The following MROH7 variants were observed in gnomAD, a reference collection of about 807,000 sequenced individuals.
MROH7 encodes maestro heat like repeat family member 7, also known as maestro heat-like repeat-containing protein family member 7.
A neutral mutation model predicts 129.2 loss-of-function variants in MROH7; 113 were observed. The observed-to-expected ratio is 0.87, with a 90% confidence interval of 0.75 to 1.02. MROH7 has a LOEUF of 1.02. Among genes scored for constraint, MROH7 ranks in the 50% least tolerant of loss-of-function variants. The pLI is 0.00. For missense variants in MROH7, 1,601 were observed against 1,671.3 expected (o/e 0.96, Z 0.73); for synonymous variants, 655 against 667.9 (o/e 0.98, Z 0.30).
chr1:54,670,764 C>T (rs1644887407), intron 6 of MROH7, 36 bp from the exon 7 acceptor site: 20 of 1,608,236 alleles, frequency 1.2e-5, no homozygotes, highest in Non-Finnish European at 1.6e-5. Context: ...GGGCCCCTCT[C>T]TCACTCCATT....
chr1:54,662,488 A>G (rs1644747275), intron 3 of MROH7, among the ~76,000 whole-genome samples: 1 of 150,330 alleles, frequency 6.7e-6, no homozygotes, highest in Non-Finnish European at 1.5e-5. Context: ...GTGAGCCGAG[A>G]TTGGCGCCAC....
At chr1:54,708,198 C>A (rs144392871) in intron 22 of MROH7, among the ~76,000 whole-genome samples, 1 of 152,250 alleles carries the variant, frequency 6.6e-6, no homozygotes, top group Non-Finnish European at 1.5e-5. Flanking sequence ...GTGAGAGGAT[C>A]ATTTAAGGGC....
chr1:54,702,317 C>T lies in MROH7; in HGVS notation c.3441+72C>T, dbSNP rs1645453848. The T allele has an allele frequency of 6.9e-6, 9 of 1,296,992 alleles. No individual in the cohort carries two copies. The South Asian group carries it at 1.8e-4, about 26-fold the overall frequency. 80.3% of individuals were successfully genotyped at this position (1,296,992 alleles called of 1,614,324 possible). A position where few individuals can be genotyped will look rare whatever the true frequency, so the allele number is the denominator to read the frequency against. ...GTGGGCGCACCTCTTTTTACGTTAA[C>T]CAAGCCAGAGTCTCAAACAATCCTG... is the stretch of plus-strand genomic sequence containing the variant. On this transcript the variant is annotated intron_variant, in intron 20 of 23. Transcript: ENST00000421030.
chr1:54,669,344 C>G (rs1162345970), intron 5 of MROH7, among the ~76,000 whole-genome samples: 1 of 152,168 alleles, frequency 6.6e-6, no homozygotes, highest in African/African-American at 2.4e-5. Flanking sequence ...AGTCACTCCA[C>G]CAGAATGGAC....
chr1:54,649,380 C>T (rs986178829), intron 1 of MROH7, among the ~76,000 whole-genome samples: 3 of 152,246 alleles, frequency 2.0e-5, no homozygotes, highest in African/African-American at 2.4e-5. Context: ...GAGTAGTGAG[C>T]TCCTTTAGCT....
rs750964430 is a variant in MROH7, at chr1:54,680,083, A to G, written c.2381+38A>G. 5.0e-6 allele frequency: 8 copies of G among 1,601,894 alleles called. No homozygotes were observed. The South Asian group carries it at 7.7e-5, about 15-fold the overall frequency. On this transcript the variant is annotated intron_variant, in intron 13 of 23. Coordinates refer to ENST00000421030, the MANE Select transcript of MROH7 (RefSeq NM_001039464.4). ...GGGGTTCCCAGCCACTGCATCTTAC[A>G]GGGTTCAAGCAGCCCCCACCCCAGG...
chr1:54,691,803 A>AGTGTGTGTGTGTGTGTGTGT (rs373106798), intron 15 of MROH7, among the ~76,000 whole-genome samples: 15 of 104,188 alleles, frequency 1.4e-4, no homozygotes, highest in African/African-American at 5.1e-4. Context: ...AAAAAAAAAA[A>AGTGTGTGTGTGTGTGTGTGT]GTGTGTGTGT....
At chr1:54,691,802 AAGTGTGTGT>A (rs1290869586) in intron 15 of MROH7, among the ~76,000 whole-genome samples, 3 of 90,778 alleles carry the variant, frequency 3.3e-5, no homozygotes, top group Admixed American at 1.3e-4. Context: ...AAAAAAAAAA[AAGTGTGTGT>A]GTGTGTGTGT....
At chr1:54,707,281 A>G (rs1645549427) in intron 22 of MROH7, among the ~76,000 whole-genome samples, 1 of 152,190 alleles carries the variant, frequency 6.6e-6, no homozygotes. Context: ...ACCAAGGGCC[A>G]GGAGACCTTG....
chr1:54,643,135 A>C (rs1424767442), intron 1 of MROH7, among the ~76,000 whole-genome samples: 1 of 152,250 alleles, frequency 6.6e-6, no homozygotes, highest in Non-Finnish European at 1.5e-5. Context: ...GATGCATATA[A>C]GTAAACAGAC....
At chr1:54,684,218 G>T (rs1041324729) in intron 14 of MROH7, among the ~76,000 whole-genome samples, 2 of 152,220 alleles carry the variant, frequency 1.3e-5, no homozygotes, top group Non-Finnish European at 2.9e-5. Context: ...GAAGGAGAGG[G>T]TAGTATTATC....
intron 21 of MROH7, 107 bp downstream of exon 21, chr1:54,702,852 C>A: frequency 1.5e-6 from 2 of 1,359,138 alleles, no homozygotes; most frequent in Non-Finnish European, 2.0e-6. Flanking sequence ...TTTCCATGAC[C>A]AACTACAAGT....
chr1:54,653,917 C>T lies in MROH7; in HGVS notation c.991C>T (p.Leu331=). 1 of 1,614,210 alleles carries T rather than the reference C, an allele frequency of 6.2e-7. No homozygotes were observed. Among genetic ancestry groups the T allele is most frequent in the African/African-American group, 1.3e-5 (1 of 75,060 alleles). Residue 331 remains leucine (L), a synonymous_variant, in exon 3 of 24, where the codon CTG becomes TTG. Coordinates refer to ENST00000421030, the MANE Select transcript of MROH7 (RefSeq NM_001039464.4). ...TCCACCCTCATGCATGACTCTAATCCTGGGTTCCAATGAGACTCTGAGCCT... is the reference window on the plus strand; with the variant it reads ...TCCACCCTCATGCATGACTCTAATCTTGGGTTCCAATGAGACTCTGAGCCT... ...ISPPSCMTLI[L]GSNETLSLDS...
intron 21 of MROH7, among the ~76,000 whole-genome samples, chr1:54,704,987 C>T (rs11206416): frequency 2.4e-4 from 36 of 150,948 alleles, no homozygotes; most frequent in African/African-American, 6.1e-4. Flanking sequence ...TTAGTAGAGA[C>T]GGAGTTTCTC....
At position 54,661,576 on chromosome 1, in the gene MROH7, A is replaced by ATTTGTTTGTTTGTTTG. The variant is rs71048703; in HGVS notation, c.1232-3575_1232-3560dup. On this transcript the variant is annotated intron_variant, in intron 3 of 23. Coordinates refer to ENST00000421030, the MANE Select transcript of MROH7 (RefSeq NM_001039464.4). ...CATATAGTAGGTACTTAAAAATATTATTTGTTTGTTTGTTTGTTTGTTTGT... is the reference window on the plus strand; with the variant it reads ...CATATAGTAGGTACTTAAAAATATTATTTGTTTGTTTGTTTGTTTGTTTGTTTGTTTGTTTGTTTGT... Among the ~76,000 whole-genome samples, 7 of 149,730 alleles carry ATTTGTTTGTTTGTTTG rather than the reference A, an allele frequency of 4.7e-5. No homozygotes were observed. The East Asian group carries it at 1.0e-3, about 22-fold the overall frequency.
At chr1:54,660,795 A>G (rs1644720045) in intron 3 of MROH7, among the ~76,000 whole-genome samples, 1 of 152,212 alleles carries the variant, frequency 6.6e-6, no homozygotes, top group South Asian at 2.1e-4. Flanking sequence ...AGCCTGGGCA[A>G]CAAGAGCAAA....
At chr1:54,707,901 C>T (rs1181917938) in intron 22 of MROH7, among the ~76,000 whole-genome samples, 9 of 152,140 alleles carry the variant, frequency 5.9e-5, no homozygotes, top group African/African-American at 2.2e-4. Context: ...CTCCCACTGT[C>T]ACCCCTCAGT....
rs769997976 is a variant in MROH7 at position 54,653,323 on chromosome 1, T to C, written c.397T>C (p.Ser133Pro). 3 of 1,614,076 alleles carry C rather than the reference T, an allele frequency of 1.9e-6. No homozygotes were observed. Among genetic ancestry groups the C allele is most frequent in the African/African-American group, 1.3e-5 (1 of 74,932 alleles). Residue 133 changes from serine to proline, a missense_variant, in exon 3 of 24, where the codon TCT (serine) becomes CCT (proline). Physicochemically the swap from Ser to Pro is moderately conservative, Grantham distance 74. Coordinates refer to ENST00000421030, the MANE Select transcript of MROH7 (RefSeq NM_001039464.4). Reference protein sequence around the residue: ...PASNPILSPSSTEAPRLSSGN... With the variant: ...PASNPILSPSPTEAPRLSSGN... ...CTCAAACCCCATTCTGAGCCCTAGC[T>C]CTACTGAGGCCCCTCGTCTGAGCTC...
At chr1:54,663,688 AAAAAAAAAAAAAAC>A (rs1312069407) in intron 3 of MROH7, 10 of 352,944 alleles carry the variant, frequency 2.8e-5, no homozygotes, top group Non-Finnish European at 3.2e-5. Context: ...TCAGCTCTAA[AAAAAAAAAAAAAAC>A]AAAAAAAAAA....
Sources: allele counts gnomAD v4.1 joint callset (sites outside exome capture counted in the v4.1 genomes callset), GRCh38; gene constraint gnomAD v4.1.1; transcripts MANE v1.5; gene names NCBI Gene and HGNC (gene_info 2026-07-23, HGNC 2026-07-21).